Variants in EFCAB9 observed in about 807,000 individuals in gnomAD.
EFCAB9 encodes EF-hand calcium binding domain 9, also known as EF-hand calcium-binding domain-containing protein 9.
A neutral mutation model predicts 15.6 loss-of-function variants in EFCAB9; 16 were observed. The ratio of observed to expected loss-of-function variants is 1.03; its 90% confidence interval spans 0.69 to 1.56. The LOEUF (loss-of-function observed/expected upper bound fraction) is 1.56, where lower values mean the gene tolerates loss of function less well. Ranked by LOEUF, EFCAB9 falls within the 40% of genes most tolerant of loss-of-function variation. EFCAB9 has a pLI of 0.00. For synonymous variants in EFCAB9, 76 were observed against 85.4 expected (o/e 0.89, Z 0.61); for missense variants, 208 against 235.4 (o/e 0.88, Z 0.76).
chr5:172,199,267 C>A, intron 1 of EFCAB9, 116 bp from the exon 2 acceptor site: 1 of 1,245,654 alleles, frequency 8.0e-7, no homozygotes, highest in South Asian at 1.6e-5. Flanking sequence ...ATATTATCAT[C>A]ATTCTTCCTA....
chr5:172,197,336 A>C (rs1771180958), intron 1 of EFCAB9, among the ~76,000 whole-genome samples: 1 of 151,904 alleles, frequency 6.6e-6, no homozygotes, highest in Admixed American at 6.6e-5. Flanking sequence ...CGAACTCGTG[A>C]CCTCAGGTAA....
intron 3 of EFCAB9, among the ~76,000 whole-genome samples, chr5:172,202,481 G>C (rs1273425961): frequency 6.6e-6 from 1 of 152,132 alleles, no homozygotes; most frequent in Non-Finnish European, 1.5e-5. Context: ...GCTGGGGTGG[G>C]TGGATAACTT....
At chr5:172,197,589 A>G (rs186661821) in intron 1 of EFCAB9, among the ~76,000 whole-genome samples, 1 of 152,304 alleles carries the variant, frequency 6.6e-6, no homozygotes, top group East Asian at 1.9e-4. Context: ...GCTAATATAG[A>G]CTAATTGATA....
rs1191152667 is a variant in EFCAB9, at chr5:172,203,265, T to A, written c.514T>A (p.Leu172Ile). ...GTATACAATCATCTACACTGACAAA[T>A]TACAGAAGAGGCAGAAAACAGAGGA... is the stretch of plus-strand genomic sequence containing the variant. ...KLYTIIYTDK[L>I]QKRQKTEEKE... Residue 172 changes from leucine (L) to isoleucine (I), a missense_variant, in exon 4 of 4, where the codon TTA (leucine) becomes ATA (isoleucine). By Grantham distance (5) the Leu-to-Ile change is conservative. Coordinates refer to ENST00000398186, the MANE Select transcript of EFCAB9 (RefSeq NM_001171183.2). The A allele has an allele frequency of 4.6e-6, 7 of 1,536,032 alleles. No homozygotes were observed. In the East Asian group the frequency reaches 1.7e-4, roughly 38 times the overall value.
At chr5:172,202,502 G>A (rs1771273213) in intron 3 of EFCAB9, among the ~76,000 whole-genome samples, 1 of 152,134 alleles carries the variant, frequency 6.6e-6, no homozygotes, top group Non-Finnish European at 1.5e-5. Flanking sequence ...GAGGCCAGGA[G>A]TTCAAGATCA....
At position 172,199,381 on chromosome 5, in the gene EFCAB9, AG is replaced by A; in HGVS notation, c.137-1del. ...CATCTCCTCACCTGCCCACCTTAACAGATGTGCTGTTCTATCACTTCCTTCA... is the reference window on the plus strand; with the variant it reads ...CATCTCCTCACCTGCCCACCTTAACAATGTGCTGTTCTATCACTTCCTTCA... On this transcript the variant is annotated splice_acceptor_variant, in intron 1 of 3. Transcript: ENST00000398186. LOFTEE classifies it high-confidence loss of function. 6.5e-7 allele frequency: 1 copy of A among 1,537,198 alleles called. No individual in the cohort carries two copies. Among genetic ancestry groups the A allele is most frequent in the South Asian group, 1.2e-5 (1 of 84,044 alleles).
intron 3 of EFCAB9, 138 bp downstream of exon 3, chr5:172,200,880 C>A (rs1771246168): frequency 2.3e-6 from 2 of 851,974 alleles, no homozygotes; most frequent in African/African-American, 1.7e-5. Flanking sequence ...TTGCATGGCA[C>A]AAGGATCAGA....
intron 3 of EFCAB9, among the ~76,000 whole-genome samples, chr5:172,202,205 G>A (rs995760076): frequency 1.1e-4 from 17 of 151,822 alleles, no homozygotes; most frequent in African/African-American, 3.9e-4. Flanking sequence ...GCTGGGCATG[G>A]TGGCAGGTGC....
rs561784982 is a variant in EFCAB9, at chr5:172,200,798, G to A, written c.462+56G>A. On this transcript the variant is annotated intron_variant, in intron 3 of 3. Transcript: ENST00000398186. ...GTGGCAGTCTCTTCCCAAAAGCAGA[G>A]AAAAATGTCCTACTACATATAGGAG... The A allele has an allele frequency of 1.8e-5, 26 of 1,476,972 alleles. No homozygotes were observed. The African/African-American group carries it at 2.9e-4, about 17-fold the overall frequency. 91.5% of individuals were successfully genotyped at this position (1,476,972 alleles called of 1,614,324 possible).
intron 3 of EFCAB9, among the ~76,000 whole-genome samples, chr5:172,201,101 C>T (rs1771249884): frequency 6.6e-6 from 1 of 152,120 alleles, no homozygotes; most frequent in Non-Finnish European, 1.5e-5. Flanking sequence ...ATTGGCCAGG[C>T]GTGGTGGCTC....
At position 172,200,591 on chromosome 5, in the gene EFCAB9, A is replaced by G. The variant is rs1422501960; in HGVS notation, c.311A>G (p.Tyr104Cys). 1.3e-6 allele frequency: 2 copies of G among 1,536,950 alleles called. No homozygotes were observed. The highest frequency in any genetic ancestry group is 1.7e-6 in the Non-Finnish European group (2 of 1,146,876). Residue 104 changes from tyrosine (Y) to cysteine (C), a missense_variant, in exon 3 of 4, where the codon TAT (tyrosine) becomes TGT (cysteine). Coordinates refer to ENST00000398186, the MANE Select transcript of EFCAB9 (RefSeq NM_001171183.2). The stretch of plus-strand genomic sequence containing the variant: ...AACCATTTGGAAGGACAGTTTATGT[A>G]TCGTCATTCCCGGCCTGTCTTTGAC... ...HQNHLEGQFMYRHSRPVFDLL... is the reference protein window; with the variant it reads ...HQNHLEGQFMCRHSRPVFDLL...
rs1397223085 is a variant in EFCAB9 at position 172,199,419 on chromosome 5, A to G, written c.173A>G (p.Asp58Gly). Residue 58 changes from aspartate (D) to glycine (G), a missense_variant, in exon 2 of 4, where the codon GAC becomes GGC. Transcript: ENST00000398186. ...LFYHFLHHVT[D>G]LKKAQINIVF... ...TATCACTTCCTTCATCATGTGACTG[A>G]CTTGAAAAAGGCACAGATCAACATT... 6.5e-7 allele frequency: 1 copy of G among 1,537,200 alleles called. No homozygotes were observed.
intron 2 of EFCAB9, among the ~76,000 whole-genome samples, chr5:172,199,999 C>T (rs955506669): frequency 6.3e-5 from 9 of 142,450 alleles, no homozygotes; most frequent in African/African-American, 2.1e-4. Flanking sequence ...TGCAATGGCG[C>T]GATCTCAGCT....
In EFCAB9 at chr5:172,200,616, C is replaced by T. The variant is rs765056912; in HGVS notation, c.336C>T (p.Asp112=). ...ATCGTCATTCCCGGCCTGTCTTTGA[C>T]CTGCTTGACCTGAAAGGGGATCTGA... ...FMYRHSRPVF[D]LLDLKGDLRI... Residue 112 remains aspartate, a synonymous_variant, in exon 3 of 4, where the codon GAC becomes GAT. Transcript: ENST00000398186. The T allele has an allele frequency of 1.8e-5, 27 of 1,537,076 alleles. No homozygotes were observed. In the African/African-American group the frequency reaches 3.7e-4, roughly 21 times the overall value.
At chr5:172,202,011 G>T (rs998922687) in intron 3 of EFCAB9, among the ~76,000 whole-genome samples, 1 of 152,100 alleles carries the variant, frequency 6.6e-6, no homozygotes, top group South Asian at 2.1e-4. Context: ...GGTAATGATC[G>T]GTGAAAAAAG....
intron 3 of EFCAB9, among the ~76,000 whole-genome samples, chr5:172,202,092 G>A (rs1021115445): frequency 3.3e-5 from 5 of 151,986 alleles, no homozygotes; most frequent in Non-Finnish European, 7.4e-5. Flanking sequence ...TGTAATCCCA[G>A]GACTTTGGGA....
At chr5:172,202,137 G>A (rs990752270) in intron 3 of EFCAB9, among the ~76,000 whole-genome samples, 4 of 151,826 alleles carry the variant, frequency 2.6e-5, no homozygotes, top group Non-Finnish European at 4.4e-5. Context: ...ACAGGAGATC[G>A]AGACCATCTT....
chr5:172,198,756 C>T (rs947501508), intron 1 of EFCAB9, among the ~76,000 whole-genome samples: 2 of 152,038 alleles, frequency 1.3e-5, no homozygotes, highest in Non-Finnish European at 2.9e-5. Context: ...GCTGGGACTA[C>T]AGGTGTGTGC....
chr5:172,199,598 A>C, intron 2 of EFCAB9, 67 bp downstream of exon 2: 1 of 1,500,266 alleles, frequency 6.7e-7, no homozygotes, highest in Non-Finnish European at 8.9e-7. Context: ...ATGCATCAGA[A>C]GTTTTCCTCC....
Sources: allele counts gnomAD v4.1 joint callset (sites outside exome capture counted in the v4.1 genomes callset), GRCh38; gene constraint gnomAD v4.1.1; transcripts MANE v1.5; gene names NCBI Gene and HGNC (gene_info 2026-07-23, HGNC 2026-07-21).